Variants in SUCLG2 observed in about 807,000 individuals in gnomAD.
The protein encoded by SUCLG2 is succinate--CoA ligase [GDP-forming] subunit beta, mitochondrial.
SUCLG2 carries 42 observed loss-of-function variants against 47.9 expected under a neutral mutation model. The ratio of observed to expected loss-of-function variants is 0.88; its 90% CI spans 0.69 to 1.14. The LOEUF (loss-of-function observed/expected upper bound fraction) is 1.14. SUCLG2 is among the 50% of genes most tolerant of loss of function. The probability of loss-of-function intolerance (pLI) is 0.00; values close to 1 mark genes in which losing one functional copy is unlikely to be tolerated. For missense variants in SUCLG2, 571 were observed against 525.9 expected (o/e 1.09, Z -0.84); for synonymous variants, 195 against 197.3 (o/e 0.99, Z 0.10).
intron 10 of SUCLG2, among the ~76,000 whole-genome samples, chr3:67,392,098 A>G (rs1206559872): frequency 1.3e-5 from 2 of 152,024 alleles, no homozygotes; most frequent in Admixed American, 6.6e-5. Context: ...TCCATTTTCT[A>G]CATGTCCTGT....
chr3:67,361,732 C>G (rs983913995), intron 10 of SUCLG2, among the ~76,000 whole-genome samples: 9 of 152,150 alleles, frequency 5.9e-5, no homozygotes, highest in African/African-American at 2.2e-4. Flanking sequence ...TTAAGCAACT[C>G]CTACAAAGAG....
At chr3:67,463,160 G>C (rs56361262) in intron 9 of SUCLG2, among the ~76,000 whole-genome samples, 4,894 of 152,242 alleles carry the variant, frequency 0.032, 128 homozygotes, top group East Asian at 0.12. Flanking sequence ...GTAATTACAG[G>C]CCCTCTCTGA....
At position 67,645,151 on chromosome 3, in the gene SUCLG2, T is replaced by C. The variant is rs1318593019; in HGVS notation, c.84+9352A>G. On this transcript the variant is annotated intron_variant, in intron 1 of 10. Coordinates refer to ENST00000307227, the MANE Select transcript of SUCLG2 (RefSeq NM_003848.4). Reference sequence around the variant, plus strand: ...GGGGCCCTTTAACATAAAGAAAATTTAGTATTTTTCTCTCATCTTCCTATA... The same window carrying C: ...GGGGCCCTTTAACATAAAGAAAATTCAGTATTTTTCTCTCATCTTCCTATA... 2.0e-5 allele frequency among the ~76,000 whole-genome samples: 3 copies of C among 152,186 alleles called. No individual in the cohort carries two copies. The East Asian group carries it at 5.8e-4, about 29-fold the overall frequency.
chr3:67,475,738 G>A (rs58615027), intron 9 of SUCLG2, among the ~76,000 whole-genome samples: 5,329 of 149,736 alleles, frequency 0.036, 119 homozygotes, highest in East Asian at 0.069. Flanking sequence ...TTTTGAGAGC[G>A]AGATGGAGTT....
chr3:67,622,343 G>A (rs1700750046), intron 1 of SUCLG2, among the ~76,000 whole-genome samples: 1 of 152,142 alleles, frequency 6.6e-6, no homozygotes, highest in Non-Finnish European at 1.5e-5. Context: ...TACATACATA[G>A]ATATATCAAA....
At chr3:67,529,562 A>G (rs115016368) in intron 2 of SUCLG2, among the ~76,000 whole-genome samples, 166 of 152,346 alleles carry the variant, frequency 1.1e-3, no homozygotes, top group African/African-American at 3.8e-3. Context: ...TTGGCCAGTA[A>G]GAGGAGCTAA....
At chr3:67,644,568 T>C (rs1325923839) in intron 1 of SUCLG2, among the ~76,000 whole-genome samples, 3 of 152,022 alleles carry the variant, frequency 2.0e-5, no homozygotes, top group Admixed American at 6.6e-5. Context: ...TGGTGATGGC[T>C]GCATAACAAT....
At chr3:67,602,097 T>C (rs1318554373) in intron 2 of SUCLG2, among the ~76,000 whole-genome samples, 2 of 152,266 alleles carry the variant, frequency 1.3e-5, no homozygotes, top group Middle Eastern at 3.4e-3. Flanking sequence ...TACACAATCA[T>C]GGGCATGAAG....
chr3:67,471,201 CAAATGGCA>C (rs1366798838), intron 9 of SUCLG2, among the ~76,000 whole-genome samples: 1 of 152,110 alleles, frequency 6.6e-6, no homozygotes, highest in Non-Finnish European at 1.5e-5. Context: ...AGATGGTATT[CAAATGGCA>C]TTTGGCCAGA....
intron 9 of SUCLG2, among the ~76,000 whole-genome samples, chr3:67,480,937 A>G (rs1037745050): frequency 3.6e-4 from 55 of 152,324 alleles, no homozygotes; most frequent in African/African-American, 1.3e-3. Flanking sequence ...AAGCAGGGTG[A>G]GCAAAGAATA....
At chr3:67,557,082 G>C (rs1707181438) in intron 2 of SUCLG2, among the ~76,000 whole-genome samples, 1 of 152,118 alleles carries the variant, frequency 6.6e-6, no homozygotes, top group Non-Finnish European at 1.5e-5. Context: ...TCTGGTCAAT[G>C]AATCTCCCAA....
downstream of SUCLG2, among the ~76,000 whole-genome samples, chr3:67,369,870 T>C (rs1575652402): frequency 6.6e-6 from 1 of 152,342 alleles, no homozygotes; most frequent in East Asian, 1.9e-4. Context: ...ACTATGAACA[T>C]TTTTGAGGCT....
chr3:67,572,085 T>C (rs1267129098), intron 2 of SUCLG2, among the ~76,000 whole-genome samples: 1 of 152,260 alleles, frequency 6.6e-6, no homozygotes, highest in Non-Finnish European at 1.5e-5. Context: ...CCTTCCTTTA[T>C]GATCATCTTC....
intron 6 of SUCLG2, among the ~76,000 whole-genome samples, chr3:67,510,085 GTC>G (rs1198251820): frequency 6.6e-6 from 1 of 152,160 alleles, no homozygotes; most frequent in African/African-American, 2.4e-5. Flanking sequence ...TGTATACAAG[GTC>G]CAGTAACACC....
intron 9 of SUCLG2, among the ~76,000 whole-genome samples, chr3:67,415,614 C>T (rs950656644): frequency 2.6e-5 from 4 of 152,210 alleles, no homozygotes; most frequent in Admixed American, 2.6e-4. Flanking sequence ...TACTCTAACA[C>T]CTTCAGTCAC....
At chr3:67,511,394 AGGGACCCAGT>A (rs1357558638) in intron 6 of SUCLG2, among the ~76,000 whole-genome samples, 4 of 152,160 alleles carry the variant, frequency 2.6e-5, no homozygotes, top group South Asian at 2.1e-4. Flanking sequence ...GTGTTGCAGG[AGGGACCCAGT>A]GGGAGGTAAC....
chr3:67,558,816 C>A (rs530335905), intron 2 of SUCLG2, among the ~76,000 whole-genome samples: 27 of 152,272 alleles, frequency 1.8e-4, no homozygotes, highest in African/African-American at 6.3e-4. Flanking sequence ...GAAACTCAGG[C>A]TGGTTTGTTA....
At chr3:67,468,557 C>T (rs1181593968) in intron 9 of SUCLG2, among the ~76,000 whole-genome samples, 1 of 152,038 alleles carries the variant, frequency 6.6e-6, no homozygotes, top group Non-Finnish European at 1.5e-5. Flanking sequence ...TATGAAAAGG[C>T]CAAACTACAC....
At chr3:67,585,301 T>C (rs1707987213) in intron 2 of SUCLG2, among the ~76,000 whole-genome samples, 1 of 152,076 alleles carries the variant, frequency 6.6e-6, no homozygotes, top group African/African-American at 2.4e-5. Flanking sequence ...TCCTTCGAAT[T>C]AGGTTAAAGT....
Sources: gnomAD v4.1 joint callset for allele counts (sites outside exome capture counted in the v4.1 genomes callset) on GRCh38, gnomAD v4.1.1 for gene constraint, MANE v1.5 for transcripts, NCBI Gene and HGNC (gene_info 2026-07-23, HGNC 2026-07-21) for gene names.